Variants in LMO3 observed in about 807,000 individuals in gnomAD.
LMO3 encodes the protein LIM domain only 3.
In LMO3, 2 loss-of-function variants were observed where a neutral mutation model predicts 15.8. That is an observed-to-expected ratio of 0.13 (90% CI 0.05 to 0.40). The LOEUF is 0.40. Among genes scored for constraint, LMO3 ranks in the 10% least tolerant of loss-of-function variants. The probability of loss-of-function intolerance (pLI) is 0.99; values close to 1 mark genes in which losing one functional copy is unlikely to be tolerated. For synonymous variants in LMO3, 62 were observed against 63.8 expected, an observed-to-expected ratio of 0.97 and a Z score of 0.13; for missense variants, 86 against 182.2, an observed-to-expected ratio of 0.47 and a Z score of 3.04.
chr12:16,558,671 T>G (rs1372847655), intron 3 of LMO3, among the ~76,000 whole-genome samples: 1 of 152,114 alleles, frequency 6.6e-6, no homozygotes, highest in Admixed American at 6.5e-5. Context: ...AGATAACATC[T>G]TACATGACTG....
At chr12:16,557,620 T>C (rs758383028) in intron 3 of LMO3, among the ~76,000 whole-genome samples, 2 of 152,086 alleles carry the variant, frequency 1.3e-5, no homozygotes, top group Non-Finnish European at 2.9e-5. Context: ...AGAAACTCTA[T>C]TGTGATATAT....
rs1555116337 is a variant in LMO3, at chr12:16,566,038, A to ATATATG, written c.207-5501_207-5500insCATATA. On this transcript the variant is annotated intron_variant, in intron 2 of 3. Transcript: ENST00000537304. ...TATATATATATATATATATATATAT[A>ATATATG]TAAAATGGAGTACTATTCAGCCATA... Among the ~76,000 whole-genome samples, 31 of 90,520 alleles carry ATATATG rather than the reference A, an allele frequency of 3.4e-4. 4 individuals are homozygous for ATATATG. Among genetic ancestry groups the ATATATG allele is most frequent in the East Asian group, 8.4e-4 (2 of 2,392 alleles). The allele number at this position is 90,520 out of a possible 152,430, so 59.4% of individuals were successfully genotyped here. A position where few individuals can be genotyped will look rare whatever the true frequency, so the allele number is the denominator to read the frequency against.
chr12:16,595,285 AATTAT>A (rs1227775786), intron 2 of LMO3, among the ~76,000 whole-genome samples: 1 of 151,530 alleles, frequency 6.6e-6, no homozygotes, highest in African/African-American at 2.4e-5. Context: ...AAAGTAAAAT[AATTAT>A]ATTATTGGTA....
Position 16,604,675 on chromosome 12 carries a change from A to G in LMO3, c.-9+1391T>C. On this transcript the variant is annotated intron_variant, in intron 1 of 3. Transcript: ENST00000537304. This position sits in a 1 kb window ranked among gnomAD's most constrained non-coding sequence, Gnocchi z 5.3. ...GCAGCCACACAGGGATGGTTTGCAA[A>G]GAATGTAGCAGTATTTGTTGCATCT... 1.6e-6 allele frequency: 1 copy of G among 633,166 alleles called. No individual in the cohort carries two copies. The highest frequency in any genetic ancestry group is 2.7e-6 in the Non-Finnish European group (1 of 368,576). 39.2% of individuals were successfully genotyped at this position (633,166 alleles called of 1,614,324 possible).
chr12:16,602,916 T>A (rs1943868965), intron 1 of LMO3, among the ~76,000 whole-genome samples: 1 of 151,916 alleles, frequency 6.6e-6, no homozygotes, highest in African/African-American at 2.4e-5. Flanking sequence ...AATTAAGCCA[T>A]CCTAATTAAC....
rs528974648 is a variant in LMO3 at position 16,604,503 on chromosome 12, C to T, written c.-9+1563G>A. On this transcript the variant is annotated intron_variant, in intron 1 of 3. Transcript: ENST00000537304. The surrounding 1 kb of genome is among the most constrained non-coding windows in gnomAD (Gnocchi z 5.3). Reference sequence around the variant, plus strand: ...ATGGCAGCAAAGTGCTAGTGCTTGGCAAAGGCCAACAAGAGATTTGCAAGA... The same window carrying T: ...ATGGCAGCAAAGTGCTAGTGCTTGGTAAAGGCCAACAAGAGATTTGCAAGA... The T allele has an allele frequency of 3.8e-5, 9 of 234,734 alleles. No individual in the cohort carries two copies. The South Asian group carries it at 7.0e-4, about 18-fold the overall frequency. 14.5% of individuals were successfully genotyped at this position (234,734 alleles called of 1,614,324 possible). A position where few individuals can be genotyped will look rare whatever the true frequency, so the allele number is the denominator to read the frequency against.
At chr12:16,563,021 A>G (rs1336761849) in intron 2 of LMO3, among the ~76,000 whole-genome samples, 2 of 152,232 alleles carry the variant, frequency 1.3e-5, no homozygotes, top group African/African-American at 4.8e-5. Context: ...CCAGGGAATT[A>G]GGCTTCAGAT....
At chr12:16,566,625 A>G (rs1349297490) in intron 2 of LMO3, among the ~76,000 whole-genome samples, 1 of 152,186 alleles carries the variant, frequency 6.6e-6, no homozygotes, top group African/African-American at 2.4e-5. Flanking sequence ...TTAAAACCTT[A>G]GAGATTATTT....
intron 2 of LMO3, among the ~76,000 whole-genome samples, chr12:16,575,831 A>G (rs1196023586): frequency 6.6e-6 from 1 of 151,738 alleles, no homozygotes; most frequent in East Asian, 1.9e-4. Context: ...TTCACTTTCT[A>G]CTCACCAGGG....
intron 2 of LMO3, among the ~76,000 whole-genome samples, chr12:16,592,956 G>C (rs923867174): frequency 2.6e-5 from 4 of 151,734 alleles, no homozygotes; most frequent in Non-Finnish European, 4.4e-5. Context: ...TAGGAGTAAA[G>C]TAATGACATC....
chr12:16,605,291 T>C, intron 1 of LMO3: 5 of 1,181,776 alleles, frequency 4.2e-6, no homozygotes, highest in Non-Finnish European at 5.3e-6. Flanking sequence ...AAAAAGATCA[T>C]AAATCTGACT....
Position 16,585,186 on chromosome 12 carries a change from T to C in LMO3, c.206+15469A>G, listed in dbSNP as rs7135281. ...CACAACGTTATTTTTCCTTCCAGACTCCGGAACCTGGAGGCAATTGAGTTT... is the reference window on the plus strand; with the variant it reads ...CACAACGTTATTTTTCCTTCCAGACCCCGGAACCTGGAGGCAATTGAGTTT... On this transcript the variant is annotated intron_variant, in intron 2 of 3. Transcript: ENST00000537304. The surrounding 1 kb of genome is among the most constrained non-coding windows in gnomAD (Gnocchi z 4.7). 0.56 allele frequency among the ~76,000 whole-genome samples: 84,908 copies of C among 151,974 alleles called. 23,873 individuals are homozygous for C. Among genetic ancestry groups the C allele is most frequent in the South Asian group, 0.67 (3,216 of 4,822 alleles).
chr12:16,578,818 AAAC>A (rs201327858), intron 2 of LMO3, among the ~76,000 whole-genome samples: 2,754 of 141,082 alleles, frequency 0.02, 54 homozygotes, highest in African/African-American at 0.069. Flanking sequence ...ATTCTGTCTC[AAAC>A]AACAACAACA....
rs565758506 is a variant in LMO3 at position 16,560,176 on chromosome 12, A to G, written c.332+237T>C. On this transcript the variant is annotated intron_variant, in intron 3 of 3. Transcript: ENST00000537304. The surrounding 1 kb of genome is among the most constrained non-coding windows in gnomAD (Gnocchi z 5.0). ...AGTAAAAGAAGTCAGAGTTTACGGT[A>G]GTGTTTCCATTTTCTGTTACTTGCT... Among the ~76,000 whole-genome samples the G allele has an allele frequency of 1.3e-5, 2 of 152,322 alleles. No homozygotes were observed. Among genetic ancestry groups the G allele is most frequent in the East Asian group, 3.9e-4 (2 of 5,186 alleles).
rs921081345 is a variant in LMO3 at position 16,591,275 on chromosome 12, G to C, written c.206+9380C>G. On this transcript the variant is annotated intron_variant, in intron 2 of 3. Transcript: ENST00000537304. The surrounding 1 kb of genome is among the most constrained non-coding windows in gnomAD (Gnocchi z 4.1). The stretch of plus-strand genomic sequence containing the variant: ...CCACCTCAGGGCCTTTGTACTGGAT[G>C]TTCCTGAGCCCAGAATGTCCTTCCC... Among the ~76,000 whole-genome samples the C allele has an allele frequency of 2.0e-5, 3 of 151,888 alleles. No homozygotes were observed. Among genetic ancestry groups the C allele is most frequent in the Non-Finnish European group, 2.9e-5 (2 of 67,936 alleles).
Position 16,560,720 on chromosome 12 carries a change from T to G in LMO3, c.207-182A>C, listed in dbSNP as rs1664986875. 1.6e-6 allele frequency: 1 copy of G among 622,376 alleles called. No homozygotes were observed. The highest frequency in any genetic ancestry group is 1.8e-5 in the African/African-American group (1 of 54,206). The allele number at this position is 622,376 out of a possible 1,614,324, so 38.6% of individuals were successfully genotyped here. On this transcript the variant is annotated intron_variant, in intron 2 of 3. Transcript: ENST00000537304. The surrounding 1 kb of genome is among the most constrained non-coding windows in gnomAD (Gnocchi z 5.0). ...TTCTGCAATATATTCTCCGTTGACC[T>G]TCCTTGATGAAAATCACATCTTGTT...
chr12:16,597,969 T>A lies in LMO3; in HGVS notation c.206+2686A>T, dbSNP rs932203434. ...AGATAGTGGCAACTTTAGGTGTACC[T>A]TCCTTTTTCCTTTAGCTAATTTCAC... On this transcript the variant is annotated intron_variant, in intron 2 of 3. Coordinates refer to ENST00000537304, the MANE Select transcript of LMO3 (RefSeq NM_018640.5). The surrounding 1 kb of genome is among the most constrained non-coding windows in gnomAD (Gnocchi z 5.0). 11 of 152,016 alleles carry A rather than the reference T, an allele frequency of 7.2e-5. No homozygotes were observed. Among genetic ancestry groups the A allele is most frequent in the African/African-American group, 2.7e-4 (11 of 41,440 alleles). 9.4% of individuals were successfully genotyped at this position (152,016 alleles called of 1,614,324 possible). A position where few individuals can be genotyped will look rare whatever the true frequency, so the allele number is the denominator to read the frequency against.
At chr12:16,580,077 T>C (rs2137527576) in intron 2 of LMO3, among the ~76,000 whole-genome samples, 1 of 152,332 alleles carries the variant, frequency 6.6e-6, no homozygotes. Flanking sequence ...TTTCCTGATA[T>C]TATACAATAT....
rs907309175 is a variant in LMO3 at position 16,591,881 on chromosome 12, T to A, written c.206+8774A>T. The stretch of plus-strand genomic sequence containing the variant: ...ACTTTATAACCTCCCTGCTTCAGAA[T>A]ATTTTCTAATCTCTCCTGATCATAC... On this transcript the variant is annotated intron_variant, in intron 2 of 3. Coordinates refer to ENST00000537304, the MANE Select transcript of LMO3 (RefSeq NM_018640.5). The surrounding 1 kb of genome is among the most constrained non-coding windows in gnomAD (Gnocchi z 4.1). Among the ~76,000 whole-genome samples the A allele has an allele frequency of 2.6e-5, 4 of 152,188 alleles. No homozygotes were observed. In the East Asian group the frequency reaches 7.7e-4, roughly 29 times the overall value.
Sources: gnomAD v4.1 joint callset for allele counts (sites outside exome capture counted in the v4.1 genomes callset) on GRCh38, gnomAD v4.1.1 for gene constraint, Gnocchi (gnomAD v3.1) non-coding constraint, MANE v1.5 for transcripts, NCBI Gene and HGNC (gene_info 2026-07-23, HGNC 2026-07-21) for gene names.